GAS2: variants seen among roughly 807,000 people sequenced by gnomAD.
GAS2 encodes growth arrest-specific protein 2.
A neutral mutation model predicts 37.5 loss-of-function variants in GAS2; 20 were observed. That is an observed-to-expected ratio of 0.53 (90% CI 0.37 to 0.77). GAS2 has a LOEUF of 0.77. Ranked by LOEUF, GAS2 falls within the 30% of genes least tolerant of loss-of-function variation. The pLI, the probability that GAS2 is intolerant of heterozygous loss-of-function variation, is 0.00. For missense variants in GAS2, 336 were observed against 373.4 expected, an observed-to-expected ratio of 0.90 and a Z score of 0.82; for synonymous variants, 144 against 132.2, an observed-to-expected ratio of 1.09 and a Z score of -0.61.
Position 22,631,946 on chromosome 11 carries a change from C to CT in GAS2, c.-21+6154dup, listed in dbSNP as rs35928910. ...GGCTGTGAATCCATCTGGCCCTGGA[C>CT]TTTTTTTTTTTTTTTTTTTTTGACA... On this transcript the variant is annotated intron_variant, in intron 1 of 5. Transcript: ENST00000528582. Among the ~76,000 whole-genome samples the CT allele has an allele frequency of 4.2e-3, 348 of 82,942 alleles. 4 individuals carry two copies. Among genetic ancestry groups the CT allele is most frequent in the Non-Finnish European group, 5.2e-3 (215 of 41,222 alleles). The allele number at this position is 82,942 out of a possible 152,430, so 54.4% of individuals were successfully genotyped here.
intron 1 of GAS2, among the ~76,000 whole-genome samples, chr11:22,644,531 A>T (rs578097094): frequency 6.6e-6 from 1 of 152,318 alleles, no homozygotes; most frequent in South Asian, 2.1e-4. Flanking sequence ...TGTTCCCTTT[A>T]TTCTTTTGAA....
chr11:22,682,888 G>GAAAAAAAAAAAAAAAAAAAAGAA (rs57025584), intron 2 of GAS2, among the ~76,000 whole-genome samples: 1 of 102,362 alleles, frequency 9.8e-6, no homozygotes, highest in African/African-American at 3.3e-5. Flanking sequence ...AAAAAAAAAG[G>GAAAAAAAAAAAAAAAAAAAAGAA]AAAAAAAAAA....
intron 7 of GAS2, among the ~76,000 whole-genome samples, chr11:22,764,247 G>C (rs1166745816): frequency 6.6e-6 from 1 of 151,986 alleles, no homozygotes; most frequent in Non-Finnish European, 1.5e-5. Flanking sequence ...ACATCCATTT[G>C]ACACCACTTT....
At chr11:22,714,264 T>G (rs1395722377) in intron 3 of GAS2, among the ~76,000 whole-genome samples, 2 of 151,934 alleles carry the variant, frequency 1.3e-5, no homozygotes, top group African/African-American at 4.8e-5. Flanking sequence ...GGAAAAACAG[T>G]TAAAAAAGAT....
intron 7 of GAS2, among the ~76,000 whole-genome samples, chr11:22,781,943 C>A (rs1325403125): frequency 6.6e-6 from 1 of 151,926 alleles, no homozygotes; most frequent in Admixed American, 6.6e-5. Flanking sequence ...ATGCTTTCGG[C>A]CAAATTAATA....
chr11:22,631,650 A>T (rs1046805183), intron 1 of GAS2, among the ~76,000 whole-genome samples: 2 of 152,012 alleles, frequency 1.3e-5, no homozygotes, highest in Non-Finnish European at 2.9e-5. Context: ...TGAGCCATTG[A>T]TTCATCCCTG....
chr11:22,684,938 A>G (rs868039235), intron 2 of GAS2, among the ~76,000 whole-genome samples: 3 of 152,226 alleles, frequency 2.0e-5, no homozygotes, highest in Non-Finnish European at 4.4e-5. Context: ...TACATTGGCC[A>G]TGTTATTCAA....
chr11:22,693,161 G>A (rs1340442183), intron 3 of GAS2, among the ~76,000 whole-genome samples: 1 of 152,070 alleles, frequency 6.6e-6, no homozygotes, highest in African/African-American at 2.4e-5. Context: ...AATATCCATG[G>A]TCCCTGTAGG....
chr11:22,697,509 C>A (rs1442491980), intron 3 of GAS2, among the ~76,000 whole-genome samples: 1 of 152,148 alleles, frequency 6.6e-6, no homozygotes, highest in Non-Finnish European at 1.5e-5. Flanking sequence ...ATGGGGATGG[C>A]ATTGAATCTA....
chr11:22,651,431 C>T (rs337508), intron 1 of GAS2, among the ~76,000 whole-genome samples: 103,320 of 151,866 alleles, frequency 0.68, 39,525 homozygotes, highest in East Asian at 0.86. Context: ...ATCTTTGTGG[C>T]GTTCTCTGTA....
chr11:22,743,068 A>G (rs1278852897), intron 5 of GAS2, among the ~76,000 whole-genome samples: 1 of 152,118 alleles, frequency 6.6e-6, no homozygotes, highest in Non-Finnish European at 1.5e-5. Flanking sequence ...AGAAAAGTTT[A>G]CAGAGTTTAA....
In GAS2 at chr11:22,726,427, G is replaced by T. The variant is rs1176459347; in HGVS notation, c.403G>T (p.Gly135Cys). The T allele has an allele frequency of 6.2e-7, 1 of 1,610,712 alleles. No individual in the cohort carries two copies. Among genetic ancestry groups the T allele is most frequent in the South Asian group, 1.1e-5 (1 of 90,470 alleles). Residue 135 changes from glycine to cysteine, a missense_variant, in exon 4 of 8, where the codon GGT becomes TGT. Gly to Cys is a radical substitution (Grantham distance 159). Coordinates refer to ENST00000454584, the MANE Select transcript of GAS2 (RefSeq NM_001143830.3). ...VDETCLFESE[G>C]LVLHKQPREV... is the part of the protein sequence containing the mutation. ...TGAAACGTGTCTATTTGAATCGGAA[G>T]GTTTGGGTATGTATTAACTTCAGAA...
chr11:22,744,397 T>C (rs1003337421), intron 5 of GAS2, among the ~76,000 whole-genome samples: 1 of 152,042 alleles, frequency 6.6e-6, no homozygotes, highest in African/African-American at 2.4e-5. Flanking sequence ...CAAAAATTCT[T>C]AACAAAATAC....
intron 2 of GAS2, among the ~76,000 whole-genome samples, chr11:22,681,447 T>A (rs1590622950): frequency 6.6e-6 from 1 of 152,226 alleles, no homozygotes; most frequent in African/African-American, 2.4e-5. Flanking sequence ...ATCGCAATTA[T>A]AAATTTAGGA....
At chr11:22,791,470 A>T (rs1856160548) in intron 7 of GAS2, among the ~76,000 whole-genome samples, 1 of 152,216 alleles carries the variant, frequency 6.6e-6, no homozygotes, top group Admixed American at 6.5e-5. Flanking sequence ...TGGAATATCC[A>T]TTTCCATTAA....
intron 3 of GAS2, among the ~76,000 whole-genome samples, chr11:22,699,451 A>G (rs76789987): frequency 0.018 from 2,740 of 152,266 alleles, 38 homozygotes; most frequent in Middle Eastern, 0.034. Flanking sequence ...ATATGGGGGT[A>G]CTGCTTAGAG....
intron 5 of GAS2, among the ~76,000 whole-genome samples, chr11:22,744,884 A>T (rs1853295739): frequency 6.6e-6 from 1 of 152,034 alleles, no homozygotes; most frequent in African/African-American, 2.4e-5. Context: ...CCTACAAAAA[A>T]GTAAAATAAA....
intron 3 of GAS2, among the ~76,000 whole-genome samples, chr11:22,686,295 A>C (rs1849942966): frequency 6.6e-6 from 1 of 152,218 alleles, no homozygotes; most frequent in South Asian, 2.1e-4. Flanking sequence ...TCTCCACATT[A>C]ATTCTAATAT....
At chr11:22,735,971 A>G (rs1482221769) in intron 4 of GAS2, among the ~76,000 whole-genome samples, 1 of 148,220 alleles carries the variant, frequency 6.7e-6, no homozygotes, top group East Asian at 2.0e-4. Context: ...CCCACTCAAA[A>G]CTCCTTTTTG....
Sources: allele counts gnomAD v4.1 joint callset (sites outside exome capture counted in the v4.1 genomes callset), GRCh38; gene constraint gnomAD v4.1.1; transcripts MANE v1.5; gene names NCBI Gene and HGNC (gene_info 2026-07-23, HGNC 2026-07-21).